RAB3C: variants seen among roughly 807,000 people sequenced by gnomAD.
The protein encoded by RAB3C is ras-related protein Rab-3C.
RAB3C carries 17 observed loss-of-function variants against 26.4 expected under a neutral mutation model. The observed-to-expected ratio is 0.64, with a 90% confidence interval of 0.44 to 0.97. The LOEUF is 0.97. RAB3C is among the 50% of genes least tolerant of loss of function. The pLI is 0.00. For synonymous variants in RAB3C, 91 were observed against 95.9 expected, an observed-to-expected ratio of 0.95 and a Z score of 0.30; for missense variants, 242 against 281.9, an observed-to-expected ratio of 0.86 and a Z score of 1.01.
In RAB3C at chr5:58,584,185, T is replaced by C. The variant is rs148017391; in HGVS notation, c.24+953T>C. Among the ~76,000 whole-genome samples, 885 of 152,330 alleles carry C rather than the reference T, an allele frequency of 5.8e-3. 8 individuals are homozygous for C. The highest frequency in any genetic ancestry group is 9.4e-3 in the Non-Finnish European group (639 of 68,030). On this transcript the variant is annotated intron_variant, in intron 1 of 4. Transcript: ENST00000282878. ...ACCTCTGCTGCCAAACCCAAGAGTA[T>C]AAATATTTGACATTAATTCGGACTT...
rs376611961 is a variant in RAB3C, at chr5:58,840,241, G to A, written c.497-10923G>A. 2.2e-4 allele frequency among the ~76,000 whole-genome samples: 33 copies of A among 151,062 alleles called. No homozygotes were observed. The Middle Eastern group carries it at 0.014, about 63-fold the overall frequency. On this transcript the variant is annotated intron_variant, in intron 4 of 4. Transcript: ENST00000282878. ...CTTCAGAAATTCTTTTTTCTTCTTG[G>A]TCTAGTCTGTTGTTGAAGCTCTCAA... is the stretch of plus-strand genomic sequence containing the variant.
rs1166520108 is a variant in RAB3C at position 58,730,999 on chromosome 5, A to G, written c.371+4879A>G. 2.6e-5 allele frequency among the ~76,000 whole-genome samples: 4 copies of G among 152,082 alleles called. No homozygotes were observed. The East Asian group carries it at 7.7e-4, about 29-fold the overall frequency. On this transcript the variant is annotated intron_variant, in intron 3 of 4. Coordinates refer to ENST00000282878, the MANE Select transcript of RAB3C (RefSeq NM_138453.4). ...GAGCTGCCATTTATAAAACCATCAG[A>G]TCTCGTGAGACTTACTATCATAAGA...
intron 2 of RAB3C, among the ~76,000 whole-genome samples, chr5:58,677,808 A>T (rs990885816): frequency 3.3e-5 from 5 of 152,200 alleles, no homozygotes; most frequent in African/African-American, 1.2e-4. Context: ...ATCTGAAAGG[A>T]TATTGGGTTA....
intron 4 of RAB3C, among the ~76,000 whole-genome samples, chr5:58,845,924 C>T (rs1244229382): frequency 1.3e-5 from 2 of 151,848 alleles, no homozygotes; most frequent in African/African-American, 4.8e-5. Flanking sequence ...ATAGATTTAC[C>T]TATTCTGGGC....
chr5:58,855,952 C>T lies in RAB3C; in HGVS notation c.*4601C>T, dbSNP rs1744249009. 6.6e-6 allele frequency: 1 copy of T among 152,104 alleles called. No homozygotes were observed. Among genetic ancestry groups the T allele is most frequent in the African/African-American group, 2.4e-5 (1 of 41,414 alleles). The allele number at this position is 152,104 out of a possible 1,614,324, so 9.4% of individuals were successfully genotyped here. A position where few individuals can be genotyped will look rare whatever the true frequency, so the allele number is the denominator to read the frequency against. On this transcript the variant is annotated 3_prime_UTR_variant, in exon 5 of 5. Coordinates refer to ENST00000282878, the MANE Select transcript of RAB3C (RefSeq NM_138453.4). ...TTTCTTAAAAATATTTACAGAAATG[C>T]TTGACACTCCGGTCAAATAATATTT...
At chr5:58,845,815 A>G (rs1743986818) in intron 4 of RAB3C, among the ~76,000 whole-genome samples, 2 of 151,786 alleles carry the variant, frequency 1.3e-5, no homozygotes, top group South Asian at 2.1e-4. Context: ...GAATATTTTC[A>G]TAACCCCAGA....
intron 2 of RAB3C, among the ~76,000 whole-genome samples, chr5:58,693,347 T>TATATATATATATATAC (rs1173401450): frequency 8.7e-5 from 12 of 137,826 alleles, no homozygotes; most frequent in African/African-American, 2.7e-4. Context: ...TATATATATA[T>TATATATATATATATAC]ATATATATAT....
At chr5:58,590,445 T>C (rs1746103668) in intron 1 of RAB3C, among the ~76,000 whole-genome samples, 1 of 152,192 alleles carries the variant, frequency 6.6e-6, no homozygotes, top group African/African-American at 2.4e-5. Flanking sequence ...ATTTTAGCTG[T>C]TGTTTTAAAA....
intron 1 of RAB3C, among the ~76,000 whole-genome samples, chr5:58,585,051 CATATTT>C (rs1245489207): frequency 6.6e-6 from 1 of 151,934 alleles, no homozygotes; most frequent in Non-Finnish European, 1.5e-5. Context: ...GAGTTATTGT[CATATTT>C]ATAATGTATT....
chr5:58,756,145 C>T (rs1032643030), intron 3 of RAB3C, among the ~76,000 whole-genome samples: 3 of 151,102 alleles, frequency 2.0e-5, no homozygotes, highest in Non-Finnish European at 4.4e-5. Flanking sequence ...ATTTCTTTCC[C>T]CACCCACCTC....
chr5:58,761,442 A>G (rs1741795878), intron 3 of RAB3C, among the ~76,000 whole-genome samples: 1 of 152,216 alleles, frequency 6.6e-6, no homozygotes, highest in Admixed American at 6.5e-5. Context: ...CAAACATTTT[A>G]AATACATTAT....
intron 2 of RAB3C, among the ~76,000 whole-genome samples, chr5:58,673,355 C>T (rs567834620): frequency 1.3e-5 from 2 of 152,084 alleles, no homozygotes; most frequent in South Asian, 2.1e-4. Context: ...AGACCCAATT[C>T]AAAGTTTCTT....
chr5:58,776,895 A>T (rs912478141), intron 3 of RAB3C, among the ~76,000 whole-genome samples: 9 of 152,182 alleles, frequency 5.9e-5, no homozygotes, highest in Admixed American at 5.2e-4. Context: ...AGCAGTATGT[A>T]TATAACTTCT....
At chr5:58,784,020 C>G (rs547062501) in intron 3 of RAB3C, among the ~76,000 whole-genome samples, 3 of 151,944 alleles carry the variant, frequency 2.0e-5, no homozygotes, top group Non-Finnish European at 4.4e-5. Context: ...TATTAGCAGC[C>G]CTGGTATATT....
At chr5:58,831,966 T>C (rs576750144) in intron 4 of RAB3C, among the ~76,000 whole-genome samples, 3 of 152,334 alleles carry the variant, frequency 2.0e-5, no homozygotes, top group African/African-American at 7.2e-5. Flanking sequence ...GACAACAGTA[T>C]GTTTTTTAAG....
intron 1 of RAB3C, among the ~76,000 whole-genome samples, chr5:58,601,089 T>A (rs1314149324): frequency 1.3e-5 from 2 of 152,214 alleles, no homozygotes; most frequent in African/African-American, 2.4e-5. Context: ...TTTTCCTTCA[T>A]CTATTGAGAC....
chr5:58,782,030 A>G (rs1439666605), intron 3 of RAB3C, among the ~76,000 whole-genome samples: 2 of 152,114 alleles, frequency 1.3e-5, no homozygotes, highest in African/African-American at 2.4e-5. Context: ...TGCATATCTT[A>G]TCAACTGCTC....
chr5:58,742,807 T>C (rs557817456), intron 3 of RAB3C, among the ~76,000 whole-genome samples: 2 of 152,198 alleles, frequency 1.3e-5, no homozygotes, highest in African/African-American at 2.4e-5. Flanking sequence ...GTACCAAATA[T>C]GATTTCATTT....
At chr5:58,833,662 A>T (rs1167486156) in intron 4 of RAB3C, among the ~76,000 whole-genome samples, 1 of 152,232 alleles carries the variant, frequency 6.6e-6, no homozygotes, top group Non-Finnish European at 1.5e-5. Flanking sequence ...AAGGGAAGAC[A>T]TCCAGAAAAG....
Sources: gnomAD v4.1 joint callset for allele counts (sites outside exome capture counted in the v4.1 genomes callset) on GRCh38, gnomAD v4.1.1 for gene constraint, MANE v1.5 for transcripts, NCBI Gene and HGNC (gene_info 2026-07-23, HGNC 2026-07-21) for gene names.